Variants in SDK1 observed in about 807,000 individuals in gnomAD.
SDK1 encodes protein sidekick-1.
In SDK1, 157 loss-of-function variants were observed where a neutral mutation model predicts 245.5. The ratio of observed to expected loss-of-function variants is 0.64; its 90% CI spans 0.56 to 0.73. The LOEUF (loss-of-function observed/expected upper bound fraction) is 0.73. SDK1 is among the 30% of genes least tolerant of loss of function. SDK1 has a pLI of 0.00. For synonymous variants in SDK1, 1,647 were observed against 1,278.5 expected (o/e 1.29, Z -6.15); for missense variants, 3,583 against 3,002.3 (o/e 1.19, Z -4.52).
At chr7:4,080,655 G>GA (rs1780996837) in intron 22 of SDK1, among the ~76,000 whole-genome samples, 1 of 152,078 alleles carries the variant, frequency 6.6e-6, no homozygotes, top group African/African-American at 2.4e-5. Flanking sequence ...ATTTACTTAG[G>GA]AAAAATAGCA....
chr7:4,052,670 A>G (rs1778944899), intron 19 of SDK1, among the ~76,000 whole-genome samples: 1 of 152,228 alleles, frequency 6.6e-6, no homozygotes, highest in Non-Finnish European at 1.5e-5. Flanking sequence ...AATACGTCAC[A>G]CAAATTTAAG....
chr7:3,414,718 C>T (rs1270608296), intron 1 of SDK1, among the ~76,000 whole-genome samples: 1 of 152,186 alleles, frequency 6.6e-6, no homozygotes, highest in Non-Finnish European at 1.5e-5. Context: ...CAGAAAGCAA[C>T]CCTGCGCTCA....
chr7:3,357,053 GAAA>G (rs35467524), intron 1 of SDK1, among the ~76,000 whole-genome samples: 10,824 of 81,100 alleles, frequency 0.13, 571 homozygotes, highest in African/African-American at 0.23. Flanking sequence ...AGACTCTCTC[GAAA>G]AAAAAAAAAA....
At chr7:4,144,068 C>G (rs1779780427) in intron 28 of SDK1, among the ~76,000 whole-genome samples, 1 of 134,500 alleles carries the variant, frequency 7.4e-6, no homozygotes, top group South Asian at 2.7e-4. Flanking sequence ...GTCGGGGAAA[C>G]GGGAGGCCTG....
At chr7:4,130,697 G>T (rs958047961) in intron 27 of SDK1, among the ~76,000 whole-genome samples, 4 of 152,192 alleles carry the variant, frequency 2.6e-5, no homozygotes, top group Non-Finnish European at 5.9e-5. Flanking sequence ...TGTTTTCATG[G>T]AACTCTAAAT....
intron 1 of SDK1, among the ~76,000 whole-genome samples, chr7:3,505,287 C>G (rs779671721): frequency 2.6e-5 from 4 of 152,076 alleles, no homozygotes; most frequent in Non-Finnish European, 5.9e-5. Context: ...CACTCTGTCA[C>G]CCAGTTTAGA....
At chr7:4,130,335 G>A in intron 27 of SDK1, 1 of 546,066 alleles carries the variant, frequency 1.8e-6, no homozygotes. Flanking sequence ...TCATAACTCT[G>A]CCGTGGGCAG....
At chr7:3,955,864 C>T (rs1249974475) in intron 7 of SDK1, among the ~76,000 whole-genome samples, 1 of 152,122 alleles carries the variant, frequency 6.6e-6, no homozygotes, top group African/African-American at 2.4e-5. Flanking sequence ...GACAGAGGCC[C>T]TTGGTTTGGG....
At chr7:4,218,771 C>T (rs1005985152) in intron 38 of SDK1, among the ~76,000 whole-genome samples, 11 of 152,292 alleles carry the variant, frequency 7.2e-5, no homozygotes, top group Admixed American at 5.9e-4. Context: ...GGAAAATGAG[C>T]TCTGCCAATC....
chr7:3,915,442 C>G (rs971855305), intron 5 of SDK1, among the ~76,000 whole-genome samples: 1 of 152,146 alleles, frequency 6.6e-6, no homozygotes, highest in African/African-American at 2.4e-5. Flanking sequence ...CCATGCTGTT[C>G]TTGTGGTAGT....
intron 44 of SDK1, among the ~76,000 whole-genome samples, chr7:4,256,515 A>G (rs1787637014): frequency 6.6e-6 from 1 of 152,272 alleles, no homozygotes; most frequent in Admixed American, 6.5e-5. Context: ...AATAAACCCA[A>G]AAGCTGTAGC....
At chr7:3,668,419 C>T (rs1344172043) in intron 4 of SDK1, among the ~76,000 whole-genome samples, 2 of 152,176 alleles carry the variant, frequency 1.3e-5, no homozygotes, top group South Asian at 2.1e-4. Flanking sequence ...CATGGACTTC[C>T]TTCAAAGATT....
chr7:3,668,161 G>A (rs1017028810), intron 4 of SDK1, among the ~76,000 whole-genome samples: 7 of 152,150 alleles, frequency 4.6e-5, no homozygotes, highest in Non-Finnish European at 7.4e-5. Flanking sequence ...TTAATAAGCT[G>A]CCCTGAAACC....
chr7:4,244,048 G>A (rs1386835910), intron 43 of SDK1, among the ~76,000 whole-genome samples: 3 of 152,160 alleles, frequency 2.0e-5, no homozygotes, highest in African/African-American at 7.2e-5. Flanking sequence ...GAGAAAGAAA[G>A]GCCCTTGAGC....
chr7:4,023,064 A>G (rs908749743), intron 17 of SDK1, among the ~76,000 whole-genome samples: 1 of 151,962 alleles, frequency 6.6e-6, no homozygotes, highest in Non-Finnish European at 1.5e-5. Context: ...GTGAGCCAAC[A>G]CGCCCGGCCC....
chr7:3,489,270 A>G (rs1395262555), intron 1 of SDK1, among the ~76,000 whole-genome samples: 1 of 152,208 alleles, frequency 6.6e-6, no homozygotes, highest in East Asian at 1.9e-4. Context: ...ACAATGTGCA[A>G]ACAATCCACA....
chr7:3,772,617 T>A (rs892499486), intron 4 of SDK1, among the ~76,000 whole-genome samples: 12 of 152,240 alleles, frequency 7.9e-5, no homozygotes, highest in Admixed American at 7.9e-4. Flanking sequence ...AAACTAGTGC[T>A]AAAATAATAC....
chr7:4,006,804 A>G (rs1407296424), intron 14 of SDK1, among the ~76,000 whole-genome samples: 3 of 152,228 alleles, frequency 2.0e-5, no homozygotes, highest in Middle Eastern at 3.2e-3. Context: ...AAATCAAACC[A>G]GGCAGCAGAC....
chr7:3,720,858 T>C lies in SDK1; in HGVS notation c.713+78753T>C, dbSNP rs145669491. Among the ~76,000 whole-genome samples, 571 of 152,318 alleles carry C rather than the reference T, an allele frequency of 3.7e-3. 4 individuals carry two copies. The highest frequency in any genetic ancestry group is 0.01 in the Middle Eastern group (3 of 294). ...TAGGAAAAGTTCAAATATCTTGCAATAGACAAATATTTAAAACACAGTGTA... is the reference window on the plus strand; with the variant it reads ...TAGGAAAAGTTCAAATATCTTGCAACAGACAAATATTTAAAACACAGTGTA... On this transcript the variant is annotated intron_variant, in intron 4 of 44. Coordinates refer to ENST00000404826, the MANE Select transcript of SDK1 (RefSeq NM_152744.4).
Sources: allele counts gnomAD v4.1 joint callset (sites outside exome capture counted in the v4.1 genomes callset), GRCh38; gene constraint gnomAD v4.1.1; transcripts MANE v1.5; gene names NCBI Gene and HGNC (gene_info 2026-07-23, HGNC 2026-07-21).